Variants in KCNMA1 observed in about 807,000 individuals in gnomAD.
The protein encoded by KCNMA1 is potassium calcium-activated channel subfamily M alpha 1, also known as Calcium-activated potassium channel subunit alpha-1.
A neutral mutation model predicts 140.0 loss-of-function variants in KCNMA1; 29 were observed. The ratio of observed to expected loss-of-function variants is 0.21; its 90% CI spans 0.15 to 0.28. The LOEUF is 0.28. KCNMA1 is among the 10% of genes least tolerant of loss of function. KCNMA1 has a pLI of 1.00. For missense variants in KCNMA1, 880 were observed against 1,602.2 expected, an observed-to-expected ratio of 0.55 and a Z score of 7.70; for synonymous variants, 612 against 611.9, an observed-to-expected ratio of 1.00 and a Z score of 0.00.
chr10:77,334,696 C>A (rs531404994), intron 2 of KCNMA1, among the ~76,000 whole-genome samples: 13 of 152,130 alleles, frequency 8.5e-5, no homozygotes, highest in Non-Finnish European at 1.5e-4. Flanking sequence ...ATGAAACATA[C>A]ACTCAGTGTC....
intron 2 of KCNMA1, among the ~76,000 whole-genome samples, chr10:77,377,213 T>G (rs1303857975): frequency 6.6e-6 from 1 of 152,186 alleles, no homozygotes; most frequent in African/African-American, 2.4e-5. Context: ...CAGAACCTGC[T>G]GGCCTCAGGA....
At chr10:77,310,353 C>G (rs149043631) in intron 2 of KCNMA1, among the ~76,000 whole-genome samples, 1 of 152,138 alleles carries the variant, frequency 6.6e-6, no homozygotes, top group Non-Finnish European at 1.5e-5. Context: ...TCTGAGATCT[C>G]GATCCAAAAG....
At chr10:77,609,792 G>A (rs530721293) in intron 1 of KCNMA1, among the ~76,000 whole-genome samples, 20 of 151,588 alleles carry the variant, frequency 1.3e-4, no homozygotes, top group East Asian at 3.9e-4. Context: ...TCAGGCCTGC[G>A]TCAGGAACAA....
chr10:76,955,258 C>T (rs1323127801), intron 20 of KCNMA1, among the ~76,000 whole-genome samples: 1 of 145,572 alleles, frequency 6.9e-6, no homozygotes, highest in African/African-American at 2.5e-5. Flanking sequence ...TTACTTTTTA[C>T]TATTTGTCCT....
At chr10:77,174,840 A>T (rs1167303165) in intron 5 of KCNMA1, among the ~76,000 whole-genome samples, 1 of 152,188 alleles carries the variant, frequency 6.6e-6, no homozygotes, top group African/African-American at 2.4e-5. Flanking sequence ...AGATGCATAC[A>T]AGTGGTTCTC....
rs542010113 is a variant in KCNMA1, at chr10:77,383,982, C to T, written c.540+19880G>A. ...CATGGGCATCTCCAAGGGACAGCAGCATGCTGTATGTTTATGAAAGATTTG... is the reference window on the plus strand; with the variant it reads ...CATGGGCATCTCCAAGGGACAGCAGTATGCTGTATGTTTATGAAAGATTTG... On this transcript the variant is annotated intron_variant, in intron 2 of 27. Coordinates refer to ENST00000286628, the MANE Select transcript of KCNMA1 (RefSeq NM_001161352.2). Among the ~76,000 whole-genome samples, 14 of 152,354 alleles carry T rather than the reference C, an allele frequency of 9.2e-5. No homozygotes were observed. The South Asian group carries it at 2.3e-3, about 25-fold the overall frequency.
intron 2 of KCNMA1, among the ~76,000 whole-genome samples, chr10:77,295,806 A>AAC (rs1178982902): frequency 6.9e-6 from 1 of 145,640 alleles, no homozygotes; most frequent in Non-Finnish European, 1.5e-5. Context: ...AAAAAAAAAA[A>AAC]AAAAAAAAAA....
At chr10:77,118,152 G>C (rs1171900017) in intron 6 of KCNMA1, among the ~76,000 whole-genome samples, 1 of 152,186 alleles carries the variant, frequency 6.6e-6, no homozygotes, top group African/African-American at 2.4e-5. Context: ...CCGCCAAAGA[G>C]AGCCAGACAA....
chr10:77,453,787 G>A (rs550517032), intron 1 of KCNMA1, among the ~76,000 whole-genome samples: 67 of 152,292 alleles, frequency 4.4e-4, no homozygotes, highest in African/African-American at 1.5e-3. Flanking sequence ...GTGGACACAG[G>A]CATGTGTGAA....
At chr10:77,356,880 T>A (rs1603377354) in intron 2 of KCNMA1, among the ~76,000 whole-genome samples, 2 of 152,218 alleles carry the variant, frequency 1.3e-5, no homozygotes. Flanking sequence ...AGAAGCAACA[T>A]GCCAACCAAC....
chr10:77,504,094 C>A (rs1192180917), intron 1 of KCNMA1, among the ~76,000 whole-genome samples: 1 of 152,118 alleles, frequency 6.6e-6, no homozygotes, highest in East Asian at 1.9e-4. Context: ...TGACGTGTTC[C>A]CAATTGTCCT....
At chr10:77,116,874 T>A (rs1429548624) in intron 6 of KCNMA1, among the ~76,000 whole-genome samples, 1 of 152,184 alleles carries the variant, frequency 6.6e-6, no homozygotes, top group Non-Finnish European at 1.5e-5. Flanking sequence ...TCTAACCACA[T>A]TTCCTCTCCT....
intron 19 of KCNMA1, chr10:76,977,472 C>G (rs1480238384): frequency 4.8e-5 from 33 of 682,958 alleles, no homozygotes; most frequent in Admixed American, 1.4e-4. Context: ...GCTTCCATCT[C>G]TAACGACAAA....
chr10:77,072,796 TATAAATC>T (rs1342847492), intron 14 of KCNMA1, among the ~76,000 whole-genome samples: 1 of 152,212 alleles, frequency 6.6e-6, no homozygotes, highest in Non-Finnish European at 1.5e-5. Flanking sequence ...ATGGAATGTA[TATAAATC>T]ATATTTTTGT....
intron 3 of KCNMA1, among the ~76,000 whole-genome samples, chr10:77,215,407 C>CT (rs5786271): frequency 0.051 from 6,827 of 132,868 alleles, 565 homozygotes; most frequent in African/African-American, 0.17. Context: ...TTTATTTTTG[C>CT]TTTTTTTTTT....
At chr10:77,331,589 A>G (rs1403319798) in intron 2 of KCNMA1, among the ~76,000 whole-genome samples, 3 of 151,970 alleles carry the variant, frequency 2.0e-5, no homozygotes, top group East Asian at 3.9e-4. Flanking sequence ...AGGCCAAGGC[A>G]GGAAGATCAC....
At chr10:77,195,056 G>A (rs2039991404) in intron 3 of KCNMA1, among the ~76,000 whole-genome samples, 1 of 151,154 alleles carries the variant, frequency 6.6e-6, no homozygotes, top group African/African-American at 2.5e-5. Context: ...TGTTGTTATT[G>A]TTGTTGTTGT....
intron 1 of KCNMA1, among the ~76,000 whole-genome samples, chr10:77,563,275 T>C (rs2067007845): frequency 6.6e-6 from 1 of 152,182 alleles, no homozygotes; most frequent in Non-Finnish European, 1.5e-5. Flanking sequence ...GGAGCTGGGA[T>C]TCCACTTTCT....
chr10:77,167,085 T>C (rs1007481587), intron 5 of KCNMA1, among the ~76,000 whole-genome samples: 1 of 152,192 alleles, frequency 6.6e-6, no homozygotes, highest in Non-Finnish European at 1.5e-5. Flanking sequence ...TATCTAAGTG[T>C]ATATTTATTC....
Sources: allele counts gnomAD v4.1 joint callset (sites outside exome capture counted in the v4.1 genomes callset), GRCh38; gene constraint gnomAD v4.1.1; transcripts MANE v1.5; gene names NCBI Gene and HGNC (gene_info 2026-07-23, HGNC 2026-07-21).